Variants in SYT7 observed in about 807,000 individuals in gnomAD.
SYT7 encodes the protein synaptotagmin 7.
Under a neutral mutation model 75.1 loss-of-function variants are expected in SYT7, and 29 were observed. The ratio of observed to expected loss-of-function variants is 0.39; its 90% CI spans 0.29 to 0.53. The LOEUF is 0.53. Ranked by LOEUF, SYT7 falls within the 20% of genes least tolerant of loss-of-function variation. The pLI, the probability that SYT7 is intolerant of heterozygous loss-of-function variation, is 0.77. For synonymous variants in SYT7, 376 were observed against 401.7 expected (o/e 0.94, Z 0.76); for missense variants, 693 against 953.2 (o/e 0.73, Z 3.59).
chr11:61,563,145 C>T (rs1037454267), intron 1 of SYT7, among the ~76,000 whole-genome samples: 4 of 152,226 alleles, frequency 2.6e-5, no homozygotes, highest in Non-Finnish European at 4.4e-5. Flanking sequence ...TAGGCATTCA[C>T]GCATTTCCTC....
At chr11:61,534,061 G>T (rs560538437) in intron 7 of SYT7, among the ~76,000 whole-genome samples, 1 of 152,212 alleles carries the variant, frequency 6.6e-6, no homozygotes, top group Non-Finnish European at 1.5e-5. Context: ...GTCAGGAAGG[G>T]GGCACTAAAA....
chr11:61,525,491 T>C (rs1358447625), intron 9 of SYT7, among the ~76,000 whole-genome samples: 3 of 152,156 alleles, frequency 2.0e-5, no homozygotes, highest in Non-Finnish European at 4.4e-5. Context: ...GGCCCCATCA[T>C]GACCCCCCTC....
At chr11:61,573,565 C>T (rs1005173855) in intron 1 of SYT7, among the ~76,000 whole-genome samples, 1 of 152,246 alleles carries the variant, frequency 6.6e-6, no homozygotes, top group African/African-American at 2.4e-5. Context: ...GCTCAAAAGC[C>T]ATCCATGGCA....
intron 5 of SYT7, 138 bp downstream of exon 5, chr11:61,545,893 A>T: frequency 1.4e-6 from 1 of 724,742 alleles, no homozygotes; most frequent in South Asian, 1.9e-5. Flanking sequence ...GGAGAGTCTC[A>T]TGAAGGGATG....
At chr11:61,575,004 G>A (rs1202407487) in intron 1 of SYT7, among the ~76,000 whole-genome samples, 1 of 151,980 alleles carries the variant, frequency 6.6e-6, no homozygotes, top group Non-Finnish European at 1.5e-5. Context: ...CTGGCTGGTG[G>A]CAGGGTGCAT....
chr11:61,578,940 G>A (rs1443954372), intron 1 of SYT7, among the ~76,000 whole-genome samples: 1 of 152,194 alleles, frequency 6.6e-6, no homozygotes, highest in Non-Finnish European at 1.5e-5. Flanking sequence ...AGAGTTGAGG[G>A]CTGCCAGCAC....
Position 61,546,543 on chromosome 11 carries a change from C to T in SYT7, c.348-288G>A, listed in dbSNP as rs1036425686. 8 of 300,782 alleles carry T rather than the reference C, an allele frequency of 2.7e-5. No individual in the cohort carries two copies. The highest frequency in any genetic ancestry group is 1.2e-4 in the East Asian group (1 of 8,690). 18.6% of individuals were successfully genotyped at this position (300,782 alleles called of 1,614,324 possible). A position where few individuals can be genotyped will look rare whatever the true frequency, so the allele number is the denominator to read the frequency against. The stretch of plus-strand genomic sequence containing the variant: ...GTCGGAGAACAACGCACCACGACAA[C>T]GGAGGGGGGGCCCCTCCCCACCGCC... On this transcript the variant is annotated intron_variant, in intron 4 of 12. Transcript: ENST00000539008. This position sits in a 1 kb window ranked among gnomAD's most constrained non-coding sequence, Gnocchi z 7.6.
intron 1 of SYT7, among the ~76,000 whole-genome samples, chr11:61,577,736 G>A (rs1159650092): frequency 6.6e-6 from 1 of 152,192 alleles, no homozygotes; most frequent in Non-Finnish European, 1.5e-5. Context: ...ACAAAAGAAG[G>A]CTTCAAGCAC....
chr11:61,564,494 T>C (rs1048848951), intron 1 of SYT7, among the ~76,000 whole-genome samples: 16 of 152,200 alleles, frequency 1.1e-4, no homozygotes, highest in African/African-American at 1.4e-4. Flanking sequence ...ATGCCCATTT[T>C]ACAAAGAAGG....
At chr11:61,585,702 A>T (rs936902445), upstream of SYT7, among the ~76,000 whole-genome samples, 1 of 152,146 alleles carries the variant, frequency 6.6e-6, no homozygotes, top group Non-Finnish European at 1.5e-5. Flanking sequence ...CGCCAGACCC[A>T]GTAACTACCA....
intron 1 of SYT7, among the ~76,000 whole-genome samples, chr11:61,556,722 A>G (rs2135351000): frequency 6.6e-6 from 1 of 152,316 alleles, no homozygotes; most frequent in Non-Finnish European, 1.5e-5. Flanking sequence ...CATCTGCCTC[A>G]TGGCACTAGC....
At chr11:61,522,942 G>A (rs1394356898) in intron 12 of SYT7, 133 bp downstream of exon 12, 3 of 869,732 alleles carry the variant, frequency 3.4e-6, no homozygotes, top group Non-Finnish European at 5.5e-6. Flanking sequence ...ACAGAGGCCT[G>A]AGAGGAGAGG....
At chr11:61,581,535 G>T (rs1284116735), upstream of SYT7, among the ~76,000 whole-genome samples, 2 of 152,234 alleles carry the variant, frequency 1.3e-5, no homozygotes, top group Non-Finnish European at 2.9e-5. Flanking sequence ...CGTCAGCTCC[G>T]GACTCAACAC....
At chr11:61,548,702 C>T (rs1240508467) in intron 3 of SYT7, among the ~76,000 whole-genome samples, 1 of 152,212 alleles carries the variant, frequency 6.6e-6, no homozygotes, top group Non-Finnish European at 1.5e-5. Context: ...CAAACATGTT[C>T]TTGCGGGACC....
chr11:61,551,478 C>T lies in SYT7; in HGVS notation c.136-15G>A. Reference sequence around the variant, plus strand: ...TAGCGTTTGCCCTGTGGAGATAGCACTAGGATCACTCCTGGGGAACAGGAC... The same window carrying T: ...TAGCGTTTGCCCTGTGGAGATAGCATTAGGATCACTCCTGGGGAACAGGAC... On this transcript the variant is annotated splice_polypyrimidine_tract_variant and intron_variant, in intron 2 of 12. Coordinates refer to ENST00000539008, the MANE Select transcript of SYT7 (RefSeq NM_001365809.2). The surrounding 1 kb of genome is among the most constrained non-coding windows in gnomAD (Gnocchi z 5.3). The T allele has an allele frequency of 6.2e-7, 1 of 1,613,126 alleles. No individual in the cohort carries two copies. Among genetic ancestry groups the T allele is most frequent in the Non-Finnish European group, 8.5e-7 (1 of 1,179,524 alleles).
At position 61,546,744 on chromosome 11, in the gene SYT7, G is replaced by A. The variant is rs972395853; in HGVS notation, c.347+433C>T. On this transcript the variant is annotated intron_variant, in intron 4 of 12. Transcript: ENST00000539008. The surrounding 1 kb of genome is among the most constrained non-coding windows in gnomAD (Gnocchi z 7.6). ...CATCACCACCACCACCACCATCACC[G>A]CCACCACCGCCACGAACCACCGACC... The A allele has an allele frequency of 7.1e-6, 3 of 422,948 alleles. No homozygotes were observed. Among genetic ancestry groups the A allele is most frequent in the Admixed American group, 2.6e-5 (1 of 37,934 alleles). The allele number at this position is 422,948 out of a possible 1,614,324, so 26.2% of individuals were successfully genotyped here.
rs1210573770 is a variant in SYT7, at chr11:61,558,527, CACACACACAT to C, written c.32-2330_32-2321del. On this transcript the variant is annotated intron_variant, in intron 1 of 12. Transcript: ENST00000539008. ...ACATACACACACACACACACACACA[CACACACACAT>C]ATATATATAAATTATGAGGGTGTGT... Among the ~76,000 whole-genome samples, 900 of 151,474 alleles carry C rather than the reference CACACACACAT, an allele frequency of 5.9e-3. 8 individuals carry two copies. The highest frequency in any genetic ancestry group is 0.021 in the African/African-American group (849 of 41,022).
rs74879828 is a variant in SYT7, at chr11:61,576,994, C to T, written c.31+3796G>A. ...CTTACCTGTCACCTACTGGCCTGTA[C>T]GTTCCCACCTCAATCCGGCCTGCTC... On this transcript the variant is annotated intron_variant, in intron 1 of 12. Transcript: ENST00000539008. This position sits in a 1 kb window ranked among gnomAD's most constrained non-coding sequence, Gnocchi z 4.1. Among the ~76,000 whole-genome samples, 6,360 of 152,208 alleles carry T rather than the reference C, an allele frequency of 0.042. 230 individuals carry two copies. Among genetic ancestry groups the T allele is most frequent in the African/African-American group, 0.098 (4,060 of 41,508 alleles).
At chr11:61,577,371 A>G (rs2064112931) in intron 1 of SYT7, among the ~76,000 whole-genome samples, 1 of 152,200 alleles carries the variant, frequency 6.6e-6, no homozygotes, top group Admixed American at 6.5e-5. Flanking sequence ...CCGATGGGGC[A>G]GGCTTTGGGG....
Sources: gnomAD v4.1 joint callset for allele counts (sites outside exome capture counted in the v4.1 genomes callset) on GRCh38, gnomAD v4.1.1 for gene constraint, Gnocchi (gnomAD v3.1) non-coding constraint, MANE v1.5 for transcripts, NCBI Gene and HGNC (gene_info 2026-07-23, HGNC 2026-07-21) for gene names.